The following MSRB2 variants were observed in gnomAD, a reference collection of about 807,000 sequenced individuals.
MSRB2 encodes methionine-R-sulfoxide reductase B2, mitochondrial.
MSRB2 carries 17 observed loss-of-function variants against 19.0 expected under a neutral mutation model. The observed-to-expected ratio is 0.89, with a 90% CI of 0.61 to 1.34. The LOEUF (loss-of-function observed/expected upper bound fraction) is 1.34. Among genes scored for constraint, MSRB2 ranks in the 40% most tolerant of loss-of-function variants. The probability of loss-of-function intolerance (pLI) is 0.00; values close to 1 mark genes in which losing one functional copy is unlikely to be tolerated. For synonymous variants in MSRB2, 107 were observed against 99.7 expected, an observed-to-expected ratio of 1.07 and a Z score of -0.44; for missense variants, 208 against 237.6, an observed-to-expected ratio of 0.88 and a Z score of 0.82.
At chr10:23,105,229 TG>T (rs1839974097) in intron 2 of MSRB2, among the ~76,000 whole-genome samples, 1 of 152,010 alleles carries the variant, frequency 6.6e-6, no homozygotes, top group Admixed American at 6.6e-5. Flanking sequence ...TGTGTGTGTG[TG>T]TGTGTGTGTG....
At chr10:23,095,794 C>A in intron 1 of MSRB2, 68 bp downstream of exon 1, 1 of 1,108,982 alleles carries the variant, frequency 9.0e-7, no homozygotes, top group East Asian at 3.3e-5. Context: ...CGGCTGCACC[C>A]GGGAGCCTAG....
chr10:23,107,042 C>T (rs2131626500), intron 2 of MSRB2, among the ~76,000 whole-genome samples: 1 of 152,326 alleles, frequency 6.6e-6, no homozygotes, highest in East Asian at 1.9e-4. Context: ...ATTCTCTCTT[C>T]TAAGTATTCT....
intron 3 of MSRB2, among the ~76,000 whole-genome samples, chr10:23,112,316 TA>T (rs1413615967): frequency 2.6e-5 from 4 of 152,216 alleles, no homozygotes; most frequent in Non-Finnish European, 5.9e-5. Context: ...ATACTATTCT[TA>T]AAGATGCACT....
In MSRB2 at chr10:23,121,071, G is replaced by A. The variant is rs1423997327; in HGVS notation, c.*209G>A. 1 of 434,896 alleles carries A rather than the reference G, an allele frequency of 2.3e-6. No individual in the cohort carries two copies. Among genetic ancestry groups the A allele is most frequent in the Non-Finnish European group, 4.1e-6 (1 of 246,540 alleles). 26.9% of individuals were successfully genotyped at this position (434,896 alleles called of 1,614,324 possible). Reference sequence around the variant, plus strand: ...CTTGTGTTGCTATAAAGAAGTACCTGATCAGGATCTGGGAGAATTTGAAAA... The same window carrying A: ...CTTGTGTTGCTATAAAGAAGTACCTAATCAGGATCTGGGAGAATTTGAAAA... On this transcript the variant is annotated 3_prime_UTR_variant, in exon 5 of 5. Transcript: ENST00000376510.
Position 23,116,048 on chromosome 10 carries a change from A to G in MSRB2, c.297-3256A>G, listed in dbSNP as rs541111544. The stretch of plus-strand genomic sequence containing the variant: ...CAAAGAATCCGACCTGAATATGCAG[A>G]CATTTCTAGTTGGACCCACAACTGC... On this transcript the variant is annotated intron_variant, in intron 3 of 4. Transcript: ENST00000376510. 7.2e-5 allele frequency among the ~76,000 whole-genome samples: 11 copies of G among 152,270 alleles called. No individual in the cohort carries two copies. The South Asian group carries it at 1.7e-3, about 23-fold the overall frequency.
In MSRB2 at chr10:23,121,489, G is replaced by A. The variant is rs1427989317; in HGVS notation, c.*627G>A. Reference sequence around the variant, plus strand: ...GAATTATACTTCAACATAAGATTTGGAGAGGGAAAACATCCAAACCATATC... The same window carrying A: ...GAATTATACTTCAACATAAGATTTGAAGAGGGAAAACATCCAAACCATATC... On this transcript the variant is annotated 3_prime_UTR_variant, in exon 5 of 5. Transcript: ENST00000376510. 2 of 152,188 alleles carry A rather than the reference G, an allele frequency of 1.3e-5. No individual in the cohort carries two copies. Among genetic ancestry groups the A allele is most frequent in the Non-Finnish European group, 2.9e-5 (2 of 68,094 alleles). 9.4% of individuals were successfully genotyped at this position (152,188 alleles called of 1,614,324 possible). A position where few individuals can be genotyped will look rare whatever the true frequency, so the allele number is the denominator to read the frequency against.
chr10:23,119,202 G>C, intron 3 of MSRB2, 102 bp from the exon 4 acceptor site: 1 of 1,423,840 alleles, frequency 7.0e-7, no homozygotes, highest in Non-Finnish European at 9.8e-7. Context: ...GCAGAGGAGA[G>C]TGGGAACAGA....
chr10:23,109,161 G>A (rs1031627592), intron 2 of MSRB2, among the ~76,000 whole-genome samples: 3 of 152,096 alleles, frequency 2.0e-5, no homozygotes, highest in Non-Finnish European at 2.9e-5. Context: ...CTGTGATAGC[G>A]GATCTTCATG....
chr10:23,114,654 G>A (rs1161284682), intron 3 of MSRB2, among the ~76,000 whole-genome samples: 2 of 152,202 alleles, frequency 1.3e-5, no homozygotes, highest in Non-Finnish European at 1.5e-5. Flanking sequence ...CTGGGCACGC[G>A]GCAGGTGCCA....
intron 1 of MSRB2, among the ~76,000 whole-genome samples, chr10:23,101,149 C>T (rs1212030024): frequency 1.3e-5 from 2 of 152,092 alleles, no homozygotes; most frequent in Non-Finnish European, 2.9e-5. Flanking sequence ...TCTTTTATTC[C>T]TCATCCCCCT....
At chr10:23,106,511 TCTAGGAAGAGTGAGCA>T (rs1276853233) in intron 2 of MSRB2, among the ~76,000 whole-genome samples, 1 of 152,206 alleles carries the variant, frequency 6.6e-6, no homozygotes, top group Non-Finnish European at 1.5e-5. Flanking sequence ...TGCTCTGAGC[TCTAGGAAGAGTGAGCA>T]GCTCCCTTTC....
chr10:23,095,707 G>T lies in MSRB2; in HGVS notation c.99G>T (p.Gly33=). 1 of 1,297,518 alleles carries T rather than the reference G, an allele frequency of 7.7e-7. No individual in the cohort carries two copies. Among genetic ancestry groups the T allele is most frequent in the Non-Finnish European group, 9.7e-7 (1 of 1,029,718 alleles). The allele number at this position is 1,297,518 out of a possible 1,614,324, so 80.4% of individuals were successfully genotyped here. Residue 33 remains glycine (G), a synonymous_variant, in exon 1 of 5, where the codon GGG becomes GGT. Coordinates refer to ENST00000376510, the MANE Select transcript of MSRB2 (RefSeq NM_012228.4). The part of the protein sequence containing the change: ...GQAGGGGPGT[G]PGLGEAGSLA... ...CGGGCGGCGGCGGGCCCGGCACCGG[G>T]CCGGGACTGGGGGAGGCAGGTAGGA...
intron 2 of MSRB2, among the ~76,000 whole-genome samples, chr10:23,104,676 G>A (rs1839964967): frequency 6.6e-6 from 1 of 152,132 alleles, no homozygotes; most frequent in Non-Finnish European, 1.5e-5. Context: ...AAAAGTATGA[G>A]ATGGCTAATA....
intron 4 of MSRB2, 103 bp downstream of exon 4, chr10:23,119,554 T>C: frequency 1.5e-6 from 2 of 1,354,766 alleles, no homozygotes; most frequent in Non-Finnish European, 2.0e-6. Flanking sequence ...AGGGGTACTT[T>C]CTTTTGTCTT....
chr10:23,101,002 G>A (rs1288479593), intron 1 of MSRB2, among the ~76,000 whole-genome samples: 1 of 152,124 alleles, frequency 6.6e-6, no homozygotes, highest in Non-Finnish European at 1.5e-5. Flanking sequence ...GTTTTGTTTT[G>A]TTTTGTTTTG....
At chr10:23,105,202 C>CTCTG (rs1274983106) in intron 2 of MSRB2, among the ~76,000 whole-genome samples, 21 of 138,260 alleles carry the variant, frequency 1.5e-4, no homozygotes, top group African/African-American at 5.7e-4. Flanking sequence ...ATCTCTCTCT[C>CTCTG]TCTGTGTGTC....
rs746457641 is a variant in MSRB2 at position 23,104,241 on chromosome 10, ACCGGT to A, written c.217_219+2del. Reference sequence around the variant, plus strand: ...ACGTCACAAGAGAAAAGGGAACGGAACCGGTAAGCTAAGCTGGTTTACAGTTTTCT... The same window carrying A: ...ACGTCACAAGAGAAAAGGGAACGGAAAAGCTAAGCTGGTTTACAGTTTTCT... On this transcript the variant is annotated splice_donor_variant and coding_sequence_variant, in exon 2 of 5. Coordinates refer to ENST00000376510, the MANE Select transcript of MSRB2 (RefSeq NM_012228.4). LOFTEE classifies it high-confidence loss of function. 3.7e-6 allele frequency: 6 copies of A among 1,612,150 alleles called. No individual in the cohort carries two copies. Among genetic ancestry groups the A allele is most frequent in the Admixed American group, 1.7e-5 (1 of 59,590 alleles).
At chr10:23,109,285 C>T (rs1226427179) in intron 2 of MSRB2, among the ~76,000 whole-genome samples, 2 of 152,178 alleles carry the variant, frequency 1.3e-5, no homozygotes, top group Non-Finnish European at 2.9e-5. Flanking sequence ...TGCAGTGGCT[C>T]ATGCCTGTAG....
chr10:23,101,851 A>G (rs532550616), intron 1 of MSRB2, among the ~76,000 whole-genome samples: 1 of 152,312 alleles, frequency 6.6e-6, no homozygotes, highest in South Asian at 2.1e-4. Context: ...ATAATTTTAG[A>G]TTTATAGACA....
Sources: allele counts gnomAD v4.1 joint callset (sites outside exome capture counted in the v4.1 genomes callset), GRCh38; gene constraint gnomAD v4.1.1; transcripts MANE v1.5; gene names NCBI Gene and HGNC (gene_info 2026-07-23, HGNC 2026-07-21).